The following MYO7A variants were observed in gnomAD, a reference collection of about 807,000 sequenced individuals.
MYO7A encodes the protein myosin VIIA.
MYO7A carries 210 observed loss-of-function variants against 263.8 expected under a neutral mutation model. The ratio of observed to expected loss-of-function variants is 0.80; its 90% CI spans 0.71 to 0.89. The LOEUF is 0.89. MYO7A is among the 40% of genes least tolerant of loss of function. MYO7A has a pLI of 0.00. For synonymous variants in MYO7A, 1,239 were observed against 1,197.3 expected (o/e 1.03, Z -0.72); for missense variants, 2,820 against 2,968.3 (o/e 0.95, Z 1.16).
chr11:77,173,926 C>T (rs532084113), intron 16 of MYO7A, among the ~76,000 whole-genome samples: 79 of 152,020 alleles, frequency 5.2e-4, no homozygotes, highest in Non-Finnish European at 9.7e-4. Flanking sequence ...TCTTCCCTGG[C>T]TCTGAAGTGG....
At chr11:77,212,025 G>A (rs1431383689) in intron 46 of MYO7A, 88 bp downstream of exon 46, 18 of 1,154,164 alleles carry the variant, frequency 1.6e-5, no homozygotes, top group Non-Finnish European at 2.3e-5. Flanking sequence ...GTGGGAAAGA[G>A]CCATGGCCTT....
chr11:77,175,497 G>GC (rs1954564652), intron 18 of MYO7A, 33 bp downstream of exon 18: 16 of 1,599,724 alleles, frequency 1.0e-5, no homozygotes, highest in Middle Eastern at 1.7e-4. Context: ...GGCTGCCCTG[G>GC]GGGGGCTGTA....
intron 25 of MYO7A, 104 bp from the exon 26 acceptor site, chr11:77,182,964 G>A (rs1955376841): frequency 5.0e-6 from 5 of 1,003,764 alleles, no homozygotes; most frequent in East Asian, 2.6e-5. Context: ...CACCCTGTAA[G>A]CTTCACGTGG....
intron 27 of MYO7A, among the ~76,000 whole-genome samples, chr11:77,188,012 A>G (rs1236465000): frequency 6.6e-6 from 1 of 152,244 alleles, no homozygotes; most frequent in Non-Finnish European, 1.5e-5. Flanking sequence ...GGCGTGTCTC[A>G]GGGGCAAGAA....
intron 44 of MYO7A, chr11:77,210,948 C>A: frequency 1.8e-6 from 1 of 548,062 alleles, no homozygotes; most frequent in South Asian, 2.8e-5. Context: ...CTGCCAACTG[C>A]TGAGTCTGTG....
chr11:77,157,377 C>A lies in MYO7A; in HGVS notation c.834C>A (p.Tyr278Ter). ...TGGGCTTGGGCCAGGCCTCTGACTACAACTACTTGGCCATGGTGAGGCCCA... is the reference window on the plus strand; with the variant it reads ...TGGGCTTGGGCCAGGCCTCTGACTAAAACTACTTGGCCATGGTGAGGCCCA... The part of the protein sequence containing the change: ...KKLGLGQASD[Y>*]NYLAMGNCIT... The change falls in exon 8 of 49, where the codon TAC becomes TAA. Residue 278 changes from tyrosine (Y) to a stop codon, truncating the protein, a stop_gained. Transcript: ENST00000409709. LOFTEE classifies it high-confidence loss of function. The A allele has an allele frequency of 6.2e-7, 1 of 1,607,924 alleles. No individual in the cohort carries two copies. Among genetic ancestry groups the A allele is most frequent in the Non-Finnish European group, 8.5e-7 (1 of 1,177,288 alleles).
chr11:77,213,015 C>T lies in MYO7A; in HGVS notation c.6418C>T (p.Leu2140Phe), dbSNP rs774125413. ...TGCCATCAACAAGTATGGGGTCAGC[C>T]TCATCGATCCCAAAACGAAGGTGAG... is the stretch of plus-strand genomic sequence containing the variant. ...LIAINKYGVS[L>F]IDPKTKDILT... The change falls in exon 47 of 49, where the codon CTC becomes TTC. Residue 2140 changes from leucine to phenylalanine, a missense_variant. Leu to Phe is a conservative substitution (Grantham distance 22). Coordinates refer to ENST00000409709, the MANE Select transcript of MYO7A (RefSeq NM_000260.4). 1 of 1,584,102 alleles carries T rather than the reference C, an allele frequency of 6.3e-7. No individual in the cohort carries two copies. The highest frequency in any genetic ancestry group is 8.6e-7 in the Non-Finnish European group (1 of 1,164,304).
intron 36 of MYO7A, 121 bp downstream of exon 36, chr11:77,201,759 T>C (rs2135701376): frequency 8.7e-7 from 1 of 1,151,158 alleles, no homozygotes. Context: ...CTTGGGATCT[T>C]ATGGGACACA....
chr11:77,203,077 C>A lies in MYO7A; in HGVS notation c.5186C>A (p.Thr1729Lys), dbSNP rs1367144630. Residue 1729 changes from threonine to lysine, a missense_variant, in exon 38 of 49, where the codon ACG becomes AAG. Transcript: ENST00000409709. ...YDYFRPPPKH[T>K]LSRVMVSKAR... ...TGCGGCAGGCCCCCACCCAAGCACA[C>A]GCTGAGCCGTGTCATGGTGTCCAAG... is the stretch of plus-strand genomic sequence containing the variant. The A allele has an allele frequency of 3.2e-6, 5 of 1,548,148 alleles. No individual in the cohort carries two copies. In the South Asian group the frequency reaches 6.0e-5, roughly 18 times the overall value.
At chr11:77,161,218 A>G (rs1485941984) in intron 12 of MYO7A, 103 bp downstream of exon 12, 4 of 1,404,994 alleles carry the variant, frequency 2.8e-6, no homozygotes, top group Non-Finnish European at 3.9e-6. Flanking sequence ...CTCCTGGCAC[A>G]CTCTGCCAGG....
In MYO7A at chr11:77,138,904, C is replaced by T. The variant is rs1555049002; in HGVS notation, c.19-3805C>T. Among the ~76,000 whole-genome samples, 1 of 152,222 alleles carries T rather than the reference C, an allele frequency of 6.6e-6. No individual in the cohort carries two copies. The highest frequency in any genetic ancestry group is 1.5e-5 in the Non-Finnish European group (1 of 68,040). ...TGTCCCAGAGTGATCATGAAGATAACGAGCGGCAAAATGTCCTGAAACAGA... is the reference window on the plus strand; with the variant it reads ...TGTCCCAGAGTGATCATGAAGATAATGAGCGGCAAAATGTCCTGAAACAGA... On this transcript the variant is annotated intron_variant, in intron 2 of 48. Coordinates refer to ENST00000409709, the MANE Select transcript of MYO7A (RefSeq NM_000260.4). This position sits in a 1 kb window ranked among gnomAD's most constrained non-coding sequence, Gnocchi z 4.9.
chr11:77,171,325 A>ACAGCTCCCCTCCAGTGACCGGG (rs1954069509), intron 15 of MYO7A, among the ~76,000 whole-genome samples: 1 of 152,110 alleles, frequency 6.6e-6, no homozygotes, highest in Non-Finnish European at 1.5e-5. Context: ...CCCAACTTGG[A>ACAGCTCCCCTCCAGTGACCGGG]CAGCTCCCCT....
In MYO7A at chr11:77,202,545, G is replaced by C. The variant is rs1957138251; in HGVS notation, c.5168+121G>C. ...CCACCTGTGAGCAGGGCCTGGGTCA[G>C]AGGGAGCTGGAGGGCTGTTTCTGTC... On this transcript the variant is annotated intron_variant, in intron 37 of 48. Transcript: ENST00000409709. 4.0e-6 allele frequency: 5 copies of C among 1,265,674 alleles called. No homozygotes were observed. The East Asian group carries it at 1.0e-4, about 26-fold the overall frequency. The allele number at this position is 1,265,674 out of a possible 1,614,324, so 78.4% of individuals were successfully genotyped here. A position where few individuals can be genotyped will look rare whatever the true frequency, so the allele number is the denominator to read the frequency against.
chr11:77,179,130 G>A lies in MYO7A; in HGVS notation c.2367+1G>A, dbSNP rs2135465268. 6.3e-7 allele frequency: 1 copy of A among 1,597,490 alleles called. No homozygotes were observed. Among genetic ancestry groups the A allele is most frequent in the Non-Finnish European group, 8.5e-7 (1 of 1,172,536 alleles). On this transcript the variant is annotated splice_donor_variant, in intron 20 of 48. Transcript: ENST00000409709. LOFTEE classifies it high-confidence loss of function. ...CAACTGTAGGAAGAACTACGGGCTG[G>A]TGAGCCTCCCCATGGGCTGCTCTTG...
At position 77,175,422 on chromosome 11, in the gene MYO7A, C is replaced by T. The variant is rs1328668362; in HGVS notation, c.2145C>T (p.Thr715=). The change falls in exon 18 of 49, where the codon ACC becomes ACT. Residue 715 remains threonine (T), a synonymous_variant. Coordinates refer to ENST00000409709, the MANE Select transcript of MYO7A (RefSeq NM_000260.4). ...CQRMAEAVLG[T]HDDWQIGKTK... ...GCATGGCTGAGGCTGTGCTGGGCACCCACGATGACTGGCAGATAGGCAAAA... is the reference window on the plus strand; with the variant it reads ...GCATGGCTGAGGCTGTGCTGGGCACTCACGATGACTGGCAGATAGGCAAAA... 2 of 1,613,382 alleles carry T rather than the reference C, an allele frequency of 1.2e-6. No individual in the cohort carries two copies. The highest frequency in any genetic ancestry group is 2.2e-5 in the East Asian group (1 of 44,880).
At chr11:77,212,030 G>A (rs764915895) in intron 46 of MYO7A, 93 bp downstream of exon 46, 8 of 1,073,018 alleles carry the variant, frequency 7.5e-6, no homozygotes, top group South Asian at 6.7e-5. Context: ...AAAGAGCCAT[G>A]GCCTTGGACA....
At chr11:77,169,510 G>T (rs1953879889) in intron 15 of MYO7A, among the ~76,000 whole-genome samples, 1 of 152,170 alleles carries the variant, frequency 6.6e-6, no homozygotes, top group Admixed American at 6.5e-5. Context: ...CCTTTCTGGG[G>T]AGCATTTGAC....
At position 77,179,662 on chromosome 11, in the gene MYO7A, T is replaced by C. The variant is rs546107782; in HGVS notation, c.2368-73T>C. The C allele has an allele frequency of 2.9e-6, 4 of 1,375,890 alleles. No individual in the cohort carries two copies. The East Asian group carries it at 7.6e-5, about 26-fold the overall frequency. 85.2% of individuals were successfully genotyped at this position (1,375,890 alleles called of 1,614,324 possible). A position where few individuals can be genotyped will look rare whatever the true frequency, so the allele number is the denominator to read the frequency against. On this transcript the variant is annotated intron_variant, in intron 20 of 48. Transcript: ENST00000409709. ...TGTCTGAGAGTGGAGGCCGGTGCCA[T>C]GGAAGCTCCTGCAGGCAGGGTCAGT...
At chr11:77,148,067 G>C in intron 4 of MYO7A, 117 bp downstream of exon 4, 1 of 975,680 alleles carries the variant, frequency 1.0e-6, no homozygotes, top group Non-Finnish European at 1.4e-6. Context: ...TGCCTCCTGA[G>C]ACTTTGTCCG....
Sources: allele counts gnomAD v4.1 joint callset (sites outside exome capture counted in the v4.1 genomes callset), GRCh38; gene constraint gnomAD v4.1.1; non-coding constraint Gnocchi (gnomAD v3.1); transcripts MANE v1.5; gene names NCBI Gene and HGNC (gene_info 2026-07-23, HGNC 2026-07-21).